Variants in CNTNAP5 observed in about 807,000 individuals in gnomAD.
The protein encoded by CNTNAP5 is contactin-associated protein-like 5.
Under a neutral mutation model 150.2 loss-of-function variants are expected in CNTNAP5, and 72 were observed. The ratio of observed to expected loss-of-function variants is 0.48; its 90% CI spans 0.40 to 0.58. The LOEUF is 0.58. CNTNAP5 is among the 20% of genes least tolerant of loss of function. The pLI is 0.00. For synonymous variants in CNTNAP5, 672 were observed against 619.8 expected (o/e 1.08, Z -1.25); for missense variants, 1,636 against 1,626.2 (o/e 1.01, Z -0.10).
chr2:124,267,240 T>C (rs1270184858), intron 3 of CNTNAP5, among the ~76,000 whole-genome samples: 1 of 152,098 alleles, frequency 6.6e-6, no homozygotes, highest in East Asian at 1.9e-4. Flanking sequence ...GAAAACTGAG[T>C]CTTGAACGGA....
chr2:124,731,020 G>A (rs190012556), intron 13 of CNTNAP5, among the ~76,000 whole-genome samples: 3 of 152,140 alleles, frequency 2.0e-5, no homozygotes, highest in East Asian at 1.9e-4. Flanking sequence ...GCTGCTCTGT[G>A]CCCATTCTTC....
chr2:124,577,723 A>G (rs996054774), intron 11 of CNTNAP5, among the ~76,000 whole-genome samples: 4 of 152,134 alleles, frequency 2.6e-5, no homozygotes, highest in African/African-American at 7.2e-5. Context: ...AAGGAGAAGG[A>G]GATGAGCCGT....
intron 1 of CNTNAP5, among the ~76,000 whole-genome samples, chr2:124,169,444 A>C (rs911216742): frequency 6.6e-6 from 1 of 152,224 alleles, no homozygotes; most frequent in Admixed American, 6.5e-5. Context: ...TCTGAAAGAA[A>C]ACTTTAGTAT....
intron 3 of CNTNAP5, among the ~76,000 whole-genome samples, chr2:124,317,275 AC>A (rs1321196106): frequency 6.6e-5 from 10 of 152,200 alleles, no homozygotes; most frequent in Non-Finnish European, 1.5e-4. Flanking sequence ...TAATTTTCAA[AC>A]ATTTTTGAAA....
At chr2:124,480,784 A>G (rs769820935) in intron 7 of CNTNAP5, among the ~76,000 whole-genome samples, 1 of 152,112 alleles carries the variant, frequency 6.6e-6, no homozygotes, top group Non-Finnish European at 1.5e-5. Context: ...TTCTACTTCC[A>G]TTTGACCAGT....
At position 124,916,340 on chromosome 2, in the gene CNTNAP5, C is replaced by T. The variant is rs954929470; in HGVS notation, c.*2052C>T. Reference sequence around the variant, plus strand: ...GAAGGATCTTTAAACACTGTTTTCCCCTGCCCTTTCCTCCCTTTCTTCAAT... The same window carrying T: ...GAAGGATCTTTAAACACTGTTTTCCTCTGCCCTTTCCTCCCTTTCTTCAAT... On this transcript the variant is annotated 3_prime_UTR_variant, in exon 24 of 24. Transcript: ENST00000682447. Among the ~76,000 whole-genome samples, 2 of 151,896 alleles carry T rather than the reference C, an allele frequency of 1.3e-5. No individual in the cohort carries two copies. Among genetic ancestry groups the T allele is most frequent in the Non-Finnish European group, 2.9e-5 (2 of 67,954 alleles).
intron 12 of CNTNAP5, among the ~76,000 whole-genome samples, chr2:124,632,512 G>A (rs910205290): frequency 5.3e-5 from 8 of 151,808 alleles, no homozygotes; most frequent in Non-Finnish European, 7.4e-5. Context: ...ATGAGAATAC[G>A]TGGGCACAGG....
chr2:124,833,929 A>G (rs1682772026), intron 19 of CNTNAP5, among the ~76,000 whole-genome samples: 1 of 152,222 alleles, frequency 6.6e-6, no homozygotes, highest in South Asian at 2.1e-4. Flanking sequence ...GGAGCTGCAC[A>G]TCATCACAGA....
chr2:124,267,236 T>G (rs377644981), intron 3 of CNTNAP5, among the ~76,000 whole-genome samples: 4 of 152,288 alleles, frequency 2.6e-5, no homozygotes, highest in African/African-American at 9.6e-5. Context: ...ATGTGAAAAC[T>G]GAGTCTTGAA....
chr2:124,412,595 T>C (rs1691801134), intron 3 of CNTNAP5, among the ~76,000 whole-genome samples: 2 of 150,276 alleles, frequency 1.3e-5, no homozygotes, highest in Admixed American at 6.6e-5. Flanking sequence ...AACTATCTGA[T>C]CTTTGACAAA....
chr2:124,213,080 C>T (rs1464458545), intron 1 of CNTNAP5, among the ~76,000 whole-genome samples: 1 of 151,986 alleles, frequency 6.6e-6, no homozygotes, highest in Non-Finnish European at 1.5e-5. Context: ...CCTCGTGATC[C>T]GCCTGCCTTG....
chr2:124,207,972 T>C (rs537044845), intron 1 of CNTNAP5, among the ~76,000 whole-genome samples: 1 of 152,190 alleles, frequency 6.6e-6, no homozygotes, highest in Non-Finnish European at 1.5e-5. Flanking sequence ...AACATTTGCT[T>C]AAGAATCACA....
intron 23 of CNTNAP5, among the ~76,000 whole-genome samples, chr2:124,913,148 A>G (rs2104770381): frequency 6.6e-6 from 1 of 152,208 alleles, no homozygotes; most frequent in East Asian, 1.9e-4. Context: ...TCTGAAATAG[A>G]CACTTTTCCT....
Position 124,591,157 on chromosome 2 carries a change from G to A in CNTNAP5, c.1757-18644G>A, listed in dbSNP as rs575946679. On this transcript the variant is annotated intron_variant, in intron 11 of 23. Coordinates refer to ENST00000682447, the MANE Select transcript of CNTNAP5 (RefSeq NM_001367498.1). ...TACCCCTAATACCAGACCTTCAAAT[G>A]CAACAATAGGTTTACTAGTTACTGT... Among the ~76,000 whole-genome samples the A allele has an allele frequency of 4.3e-4, 66 of 152,244 alleles. 2 individuals carry two copies. The South Asian group carries it at 0.013, about 29-fold the overall frequency.
At chr2:124,284,622 T>C (rs1187523982) in intron 3 of CNTNAP5, among the ~76,000 whole-genome samples, 1 of 151,998 alleles carries the variant, frequency 6.6e-6, no homozygotes, top group African/African-American at 2.4e-5. Flanking sequence ...AAGATTAAAT[T>C]AAAATTTTAA....
At chr2:124,069,318 G>T (rs1682241688) in intron 1 of CNTNAP5, among the ~76,000 whole-genome samples, 1 of 152,154 alleles carries the variant, frequency 6.6e-6, no homozygotes, top group East Asian at 1.9e-4. Context: ...CAGCTTAGCT[G>T]CAGTAGAATA....
intron 13 of CNTNAP5, among the ~76,000 whole-genome samples, chr2:124,657,636 C>A (rs183890233): frequency 3.7e-4 from 56 of 152,318 alleles, no homozygotes; most frequent in Admixed American, 2.2e-3. Flanking sequence ...ACCTTTCCCT[C>A]TGGCCTGGAA....
At chr2:124,801,952 A>G (rs768599128) in intron 19 of CNTNAP5, among the ~76,000 whole-genome samples, 14 of 152,174 alleles carry the variant, frequency 9.2e-5, no homozygotes, top group Non-Finnish European at 1.5e-4. Context: ...TTTTTATGAT[A>G]AGATTGATTC....
intron 14 of CNTNAP5, among the ~76,000 whole-genome samples, chr2:124,760,383 C>T (rs992296734): frequency 2.6e-5 from 4 of 151,870 alleles, no homozygotes; most frequent in Non-Finnish European, 5.9e-5. Flanking sequence ...ATAAGCTTAC[C>T]AAGCAGCAGT....
Sources: allele counts gnomAD v4.1 joint callset (sites outside exome capture counted in the v4.1 genomes callset), GRCh38; gene constraint gnomAD v4.1.1; transcripts MANE v1.5; gene names NCBI Gene and HGNC (gene_info 2026-07-23, HGNC 2026-07-21).